The following SLC3A1 variants were observed in gnomAD, a reference collection of about 807,000 sequenced individuals.
SLC3A1 encodes solute carrier family 3 member 1.
A neutral mutation model predicts 60.3 loss-of-function variants in SLC3A1; 78 were observed. The ratio of observed to expected loss-of-function variants is 1.29; its 90% CI spans 1.08 to 1.56. The LOEUF (loss-of-function observed/expected upper bound fraction) is 1.56. SLC3A1 is among the 40% of genes most tolerant of loss of function. The pLI is 0.00. For synonymous variants in SLC3A1, 392 were observed against 307.9 expected (o/e 1.27, Z -2.86); for missense variants, 1,172 against 858.9 (o/e 1.36, Z -4.56).
At chr2:44,289,531 A>G (rs1671690944) in intron 4 of SLC3A1, among the ~76,000 whole-genome samples, 1 of 151,512 alleles carries the variant, frequency 6.6e-6, no homozygotes, top group African/African-American at 2.4e-5. Flanking sequence ...TTCTTGATAC[A>G]TGATTTACAA....
Position 44,320,344 on chromosome 2 carries a change from G to A in SLC3A1, c.1763G>A (p.Gly588Asp). 6.2e-7 allele frequency: 1 copy of A among 1,614,140 alleles called. No individual in the cohort carries two copies. The highest frequency in any genetic ancestry group is 8.5e-7 in the Non-Finnish European group (1 of 1,179,984). ...GTTGTGTACACAAGAGAGCTGGATG[G>A]CATCGACAGAATCTTTATCGTGGTT... is the stretch of plus-strand genomic sequence containing the variant. ...HYVVYTRELD[G>D]IDRIFIVVLN... Residue 588 changes from glycine to aspartate, a missense_variant, in exon 10 of 10, where the codon GGC (glycine) becomes GAC (aspartate). Physicochemically the swap from Gly to Asp is moderately conservative, Grantham distance 94 (BLOSUM62 -1). Coordinates refer to ENST00000260649, the MANE Select transcript of SLC3A1 (RefSeq NM_000341.4).
rs1032513393 is a variant in SLC3A1 at position 44,313,856 on chromosome 2, C to G, written c.1522C>G (p.Pro508Ala). Residue 508 changes from proline to alanine, a missense_variant, in exon 9 of 10, where the codon CCA (proline) becomes GCA (alanine). Transcript: ENST00000260649. ...ATAGAATACCCTTCGCTCAAAGTCA[C>G]CAATGCAGTGGGACAATAGTTCAAA... ...YDINTLRSKS[P>A]MQWDNSSNAG... 6.2e-7 allele frequency: 1 copy of G among 1,613,848 alleles called. No homozygotes were observed. Among genetic ancestry groups the G allele is most frequent in the Non-Finnish European group, 8.5e-7 (1 of 1,179,894 alleles).
At chr2:44,313,770 A>G in intron 8 of SLC3A1, 65 bp from the exon 9 acceptor site, 1 of 1,197,046 alleles carries the variant, frequency 8.4e-7, no homozygotes, top group Non-Finnish European at 1.3e-6. Context: ...GAAGTAAATC[A>G]GGACCAAAGC....
chr2:44,316,584 C>T (rs1334704876), intron 9 of SLC3A1: 2 of 151,986 alleles, frequency 1.3e-5, no homozygotes, highest in East Asian at 1.9e-4. Flanking sequence ...AATACATAAC[C>T]CAGAGATAAA....
Position 44,313,840 on chromosome 2 carries a change from C to G in SLC3A1, c.1506C>G (p.Thr502=), listed in dbSNP as rs372285764. The G allele has an allele frequency of 3.1e-6, 5 of 1,612,648 alleles. No individual in the cohort carries two copies. The highest frequency in any genetic ancestry group is 1.3e-5 in the African/African-American group (1 of 74,888). Residue 502 remains threonine, a synonymous_variant, in exon 9 of 10, where the codon ACC becomes ACG. Transcript: ENST00000260649. ...TTTCTGGTCTTTTGACATAGAATAC[C>G]CTTCGCTCAAAGTCACCAATGCAGT... ...ANLNESYDIN[T]LRSKSPMQWD...
At chr2:44,279,620 C>G (rs2104332132) in intron 1 of SLC3A1, among the ~76,000 whole-genome samples, 1 of 151,680 alleles carries the variant, frequency 6.6e-6, no homozygotes, top group African/African-American at 2.4e-5. Flanking sequence ...TTGTAGTAGC[C>G]ACATTAAAAA....
rs150890027 is a variant in SLC3A1 at position 44,313,873 on chromosome 2, T to C, written c.1539T>C (p.Asn513=). 5 of 1,613,956 alleles carry C rather than the reference T, an allele frequency of 3.1e-6. No homozygotes were observed. Among genetic ancestry groups the C allele is most frequent in the South Asian group, 1.1e-5 (1 of 91,084 alleles). ...LRSKSPMQWD[N]SSNAGFSEAS... is the part of the protein sequence containing the mutation. ...CAAAGTCACCAATGCAGTGGGACAA[T>C]AGTTCAAATGCTGGTTTTTCTGAAG... The change falls in exon 9 of 10, where the codon AAT becomes AAC. Residue 513 remains asparagine, a synonymous_variant. Coordinates refer to ENST00000260649, the MANE Select transcript of SLC3A1 (RefSeq NM_000341.4).
chr2:44,314,948 T>TTTTTA (rs1672390997), intron 9 of SLC3A1: 1 of 144,806 alleles, frequency 6.9e-6, no homozygotes, highest in African/African-American at 2.6e-5. Context: ...TTTTTTTTTT[T>TTTTTA]GAGATGGAGT....
intron 4 of SLC3A1, among the ~76,000 whole-genome samples, chr2:44,287,348 G>C (rs978917626): frequency 1.3e-5 from 2 of 152,180 alleles, no homozygotes; most frequent in Non-Finnish European, 2.9e-5. Context: ...GTGACTATCT[G>C]GGGGAAGAGA....
At chr2:44,281,704 C>G (rs1005498855) in intron 3 of SLC3A1, among the ~76,000 whole-genome samples, 163 bp downstream of exon 3, 5 of 151,898 alleles carry the variant, frequency 3.3e-5, no homozygotes, top group African/African-American at 1.2e-4. Flanking sequence ...TTGTTATTTA[C>G]TCAGGCTTCC....
intron 7 of SLC3A1, among the ~76,000 whole-genome samples, chr2:44,305,863 C>T (rs1274138406): frequency 6.6e-6 from 1 of 152,164 alleles, no homozygotes; most frequent in East Asian, 1.9e-4. Context: ...GTAGGTGTCA[C>T]CACAGGAAGC....
At chr2:44,291,906 AG>A (rs1232147220) in intron 4 of SLC3A1, among the ~76,000 whole-genome samples, 1 of 152,102 alleles carries the variant, frequency 6.6e-6, no homozygotes, top group East Asian at 1.9e-4. Context: ...ACTGGCCATC[AG>A]GGGACTTGGC....
At chr2:44,284,048 G>A (rs952649543) in intron 3 of SLC3A1, among the ~76,000 whole-genome samples, 1 of 152,014 alleles carries the variant, frequency 6.6e-6, no homozygotes, top group Non-Finnish European at 1.5e-5. Flanking sequence ...TATAAACACT[G>A]TCATTAATCT....
chr2:44,300,811 T>C (rs1470457301), intron 5 of SLC3A1, among the ~76,000 whole-genome samples, 192 bp from the exon 6 acceptor site: 1 of 152,212 alleles, frequency 6.6e-6, no homozygotes, highest in African/African-American at 2.4e-5. Context: ...TAGAGAAATA[T>C]TGCTTAGTAG....
At chr2:44,277,165 T>C (rs1206842158) in intron 1 of SLC3A1, among the ~76,000 whole-genome samples, 1 of 146,396 alleles carries the variant, frequency 6.8e-6, no homozygotes, top group Non-Finnish European at 1.5e-5. Context: ...TGGAGTGCAA[T>C]GGCATAATCT....
downstream of SLC3A1, chr2:44,321,720 C>T (rs766894499): frequency 5.3e-5 from 85 of 1,598,650 alleles, no homozygotes; most frequent in Non-Finnish European, 7.1e-5. Context: ...ATAGATAGGA[C>T]ATTTGTGAAG....
chr2:44,285,858 G>A (rs1572793629), intron 3 of SLC3A1, 174 bp from the exon 4 acceptor site: 1 of 795,832 alleles, frequency 1.3e-6, no homozygotes, highest in East Asian at 2.5e-5. Context: ...TGAGGCATTA[G>A]GCCAATGGGG....
intron 7 of SLC3A1, among the ~76,000 whole-genome samples, chr2:44,312,216 C>G (rs1292925500): frequency 6.6e-6 from 1 of 152,164 alleles, no homozygotes; most frequent in Non-Finnish European, 1.5e-5. Flanking sequence ...GAGGACACAT[C>G]AGAAGTCTCT....
At chr2:44,322,022 C>T, downstream of SLC3A1, 2 of 943,330 alleles carry the variant, frequency 2.1e-6, no homozygotes, top group Non-Finnish European at 3.0e-6. Flanking sequence ...GAATAAAAAG[C>T]AAAAACCACC....
Sources: allele counts gnomAD v4.1 joint callset (sites outside exome capture counted in the v4.1 genomes callset), GRCh38; gene constraint gnomAD v4.1.1; transcripts MANE v1.5; gene names NCBI Gene and HGNC (gene_info 2026-07-23, HGNC 2026-07-21).